Variants in HDAC9 observed in about 807,000 individuals in gnomAD.
The protein encoded by HDAC9 is histone deacetylase 9.
HDAC9 carries 41 observed loss-of-function variants against 139.4 expected under a neutral mutation model. The observed-to-expected ratio is 0.29, with a 90% CI of 0.23 to 0.38. The LOEUF is 0.38. HDAC9 is among the 10% of genes least tolerant of loss of function. The pLI is 1.00. For synonymous variants in HDAC9, 517 were observed against 476.2 expected (o/e 1.09, Z -1.12); for missense variants, 1,147 against 1,297.0 (o/e 0.88, Z 1.78).
intron 12 of HDAC9, among the ~76,000 whole-genome samples, chr7:18,674,900 C>T (rs111766339): frequency 0.016 from 2,380 of 152,002 alleles, 62 homozygotes; most frequent in African/African-American, 0.054. Context: ...ACAGTACTCA[C>T]ACCATATTAA....
chr7:18,996,153 T>A lies in HDAC9; in HGVS notation c.*91T>A. ...CCTCAGACATGTCTTGTCTGCTGCC[T>A]GGGTGGCACAGATTCAATGGAACAT... On this transcript the variant is annotated 3_prime_UTR_variant, in exon 26 of 26. Transcript: ENST00000686413. 1 of 906,004 alleles carries A rather than the reference T, an allele frequency of 1.1e-6. No individual in the cohort carries two copies. Among genetic ancestry groups the A allele is most frequent in the Non-Finnish European group, 1.7e-6 (1 of 575,814 alleles). The allele number at this position is 906,004 out of a possible 1,614,324, so 56.1% of individuals were successfully genotyped here.
intron 2 of HDAC9, among the ~76,000 whole-genome samples, chr7:18,542,921 A>T (rs1813482735): frequency 6.6e-6 from 1 of 152,206 alleles, no homozygotes; most frequent in Non-Finnish European, 1.5e-5. Flanking sequence ...CTAAAATCTC[A>T]ATAACGGGAA....
intron 12 of HDAC9, among the ~76,000 whole-genome samples, chr7:18,689,486 C>T (rs1294173823): frequency 1.3e-5 from 2 of 151,858 alleles, no homozygotes; most frequent in Non-Finnish European, 2.9e-5. Context: ...ACCAAACAGT[C>T]CCTTTAGGAA....
chr7:18,482,960 T>A (rs945439406), intron 1 of HDAC9, among the ~76,000 whole-genome samples: 3 of 152,220 alleles, frequency 2.0e-5, no homozygotes, highest in African/African-American at 7.2e-5. Flanking sequence ...AACGCATTAC[T>A]CTATAAGACA....
intron 6 of HDAC9, among the ~76,000 whole-genome samples, chr7:18,608,403 G>A (rs1017750236): frequency 7.9e-5 from 12 of 151,978 alleles, no homozygotes; most frequent in Non-Finnish European, 1.0e-4. Flanking sequence ...TGCTTTATGT[G>A]TATCAGCCTC....
At chr7:18,900,668 AT>A (rs1801620934) in intron 22 of HDAC9, among the ~76,000 whole-genome samples, 1 of 152,180 alleles carries the variant, frequency 6.6e-6, no homozygotes, top group African/African-American at 2.4e-5. Context: ...ATATCTTCTA[AT>A]TCCCTGAGGA....
chr7:18,372,454 G>A (rs904465649), intron 1 of HDAC9, among the ~76,000 whole-genome samples: 3 of 152,146 alleles, frequency 2.0e-5, no homozygotes, highest in Non-Finnish European at 2.9e-5. Context: ...TGTTTTCCAG[G>A]ACTGTATTTT....
intron 12 of HDAC9, among the ~76,000 whole-genome samples, chr7:18,706,071 A>G (rs976655273): frequency 6.6e-6 from 1 of 151,506 alleles, no homozygotes; most frequent in Non-Finnish European, 1.5e-5. Flanking sequence ...TTCCCACATG[A>G]ATAGAAAATG....
At chr7:18,733,388 T>G (rs1786576424) in intron 13 of HDAC9, among the ~76,000 whole-genome samples, 1 of 150,638 alleles carries the variant, frequency 6.6e-6, no homozygotes, top group Non-Finnish European at 1.5e-5. Context: ...TAGCTTCTGT[T>G]ATTACTCATA....
upstream of HDAC9, among the ~76,000 whole-genome samples, chr7:18,285,977 T>A (rs913584362): frequency 3.3e-5 from 5 of 152,128 alleles, no homozygotes; most frequent in African/African-American, 1.2e-4. Flanking sequence ...CAACTGGTAA[T>A]TTTGTTGTTC....
intron 5 of HDAC9, among the ~76,000 whole-genome samples, chr7:18,593,521 G>A (rs986341866): frequency 5.9e-5 from 9 of 152,162 alleles, no homozygotes; most frequent in East Asian, 3.9e-4. Context: ...AAGTCCTTGC[G>A]TATGTTTACT....
chr7:18,178,730 C>T (rs867766656), intron 2 of HDAC9, among the ~76,000 whole-genome samples: 1 of 152,140 alleles, frequency 6.6e-6, no homozygotes, highest in African/African-American at 2.4e-5. Context: ...ATTCTTTATA[C>T]TTTTAAAAAG....
At chr7:18,429,042 C>T (rs939745705) in intron 1 of HDAC9, 2 of 152,240 alleles carry the variant, frequency 1.3e-5, no homozygotes, top group African/African-American at 4.8e-5. Flanking sequence ...TCCTACCCAC[C>T]TCCAACCTAC....
chr7:18,578,731 G>T (rs1161555701), intron 2 of HDAC9, among the ~76,000 whole-genome samples: 1 of 152,176 alleles, frequency 6.6e-6, no homozygotes, highest in Non-Finnish European at 1.5e-5. Context: ...CTTCAGGGCG[G>T]GTTAGTATTT....
intron 12 of HDAC9, among the ~76,000 whole-genome samples, chr7:18,685,530 C>T (rs142157335): frequency 0.011 from 1,682 of 152,118 alleles, 14 homozygotes; most frequent in South Asian, 0.026. Flanking sequence ...TGACAGTTAT[C>T]AGGAAGACAG....
rs79583376 is a variant in HDAC9 at position 18,763,370 on chromosome 7, G to A, written c.2164+1093G>A. Among the ~76,000 whole-genome samples, 25 of 152,186 alleles carry A rather than the reference G, an allele frequency of 1.6e-4. No homozygotes were observed. In the East Asian group the frequency reaches 2.5e-3, roughly 15 times the overall value. The stretch of plus-strand genomic sequence containing the variant: ...TGAGCATAAATATGCCCACACATGC[G>A]TGTAGCAGTATAGGTAGCAGTAGCT... On this transcript the variant is annotated intron_variant, in intron 15 of 25. Coordinates refer to ENST00000686413, the MANE Select transcript of HDAC9 (RefSeq NM_178425.4).
intron 1 of HDAC9, among the ~76,000 whole-genome samples, chr7:18,323,992 G>A (rs528980556): frequency 2.1e-4 from 32 of 151,542 alleles, no homozygotes; most frequent in African/African-American, 7.5e-4. Flanking sequence ...GAGTTCTATG[G>A]GATCTTTTTT....
intron 13 of HDAC9, among the ~76,000 whole-genome samples, chr7:18,740,803 C>T (rs948375202): frequency 5.3e-5 from 8 of 152,180 alleles, no homozygotes; most frequent in Non-Finnish European, 1.0e-4. Context: ...AAGAAAAGCT[C>T]TTGAAGGAAA....
chr7:18,897,227 A>G (rs1473645167), intron 22 of HDAC9, among the ~76,000 whole-genome samples: 3 of 151,988 alleles, frequency 2.0e-5, no homozygotes, highest in Admixed American at 6.6e-5. Flanking sequence ...TTTCTACATA[A>G]TTATTTGTAA....
Sources: gnomAD v4.1 joint callset for allele counts (sites outside exome capture counted in the v4.1 genomes callset) on GRCh38, gnomAD v4.1.1 for gene constraint, MANE v1.5 for transcripts, NCBI Gene and HGNC (gene_info 2026-07-23, HGNC 2026-07-21) for gene names.